Variants in PCYT2 observed in about 807,000 individuals in gnomAD.
PCYT2 encodes phosphate cytidylyltransferase 2, ethanolamine.
PCYT2 carries 33 observed loss-of-function variants against 50.0 expected under a neutral mutation model. The ratio of observed to expected loss-of-function variants is 0.66; its 90% CI spans 0.50 to 0.88. PCYT2 has a LOEUF of 0.88. Ranked by LOEUF, PCYT2 falls within the 40% of genes least tolerant of loss-of-function variation. PCYT2 has a pLI of 0.00. For synonymous variants in PCYT2, 240 were observed against 203.7 expected, an observed-to-expected ratio of 1.18 and a Z score of -1.52; for missense variants, 430 against 519.7, an observed-to-expected ratio of 0.83 and a Z score of 1.68.
intron 2 of PCYT2, 53 bp from the exon 3 acceptor site, chr17:81,909,090 AGTAGGAG>A: frequency 6.3e-7 from 1 of 1,583,492 alleles, no homozygotes; most frequent in Non-Finnish European, 8.6e-7. Context: ...CGGCCCCTCC[AGTAGGAG>A]GCCCCTTCCC....
At position 81,902,983 on chromosome 17, in the gene PCYT2, G is replaced by A. The variant is rs2040023273; in HGVS notation, c.*1850C>T. On this transcript the variant is annotated 3_prime_UTR_variant, in exon 13 of 13. Transcript: ENST00000538936. Reference sequence around the variant, plus strand: ...AAATCCCCAAGCCTGGGTATGAGAAGGCAGCCGAGTGTGCGGCGGCAGGGC... The same window carrying A: ...AAATCCCCAAGCCTGGGTATGAGAAAGCAGCCGAGTGTGCGGCGGCAGGGC... The A allele has an allele frequency of 4.0e-6, 2 of 505,420 alleles. No individual in the cohort carries two copies. The highest frequency in any genetic ancestry group is 4.0e-5 in the African/African-American group (2 of 49,446). 31.3% of individuals were successfully genotyped at this position (505,420 alleles called of 1,614,324 possible).
chr17:81,909,162 C>G (rs1012162994), intron 2 of PCYT2, 125 bp from the exon 3 acceptor site: 30 of 1,491,162 alleles, frequency 2.0e-5, no homozygotes, highest in Admixed American at 4.8e-5. Context: ...GTCTCTCTAC[C>G]CTGGCCCTTA....
rs2039995863 is a variant in PCYT2, at chr17:81,902,548, C to G, written c.*2285G>C. ...CCTCGTGAGTCCGGCGTGCCGGGGA[C>G]TGATGGGGGGCGGCGGCAGGACGTG... On this transcript the variant is annotated 3_prime_UTR_variant, in exon 13 of 13. Transcript: ENST00000538936. 6.7e-7 allele frequency: 1 copy of G among 1,487,024 alleles called. No homozygotes were observed. Among genetic ancestry groups the G allele is most frequent in the Non-Finnish European group, 8.9e-7 (1 of 1,124,596 alleles). 92.1% of individuals were successfully genotyped at this position (1,487,024 alleles called of 1,614,324 possible).
intron 2 of PCYT2, 64 bp from the exon 3 acceptor site, chr17:81,909,101 C>G (rs2040439451): frequency 6.4e-7 from 1 of 1,567,898 alleles, no homozygotes; most frequent in African/African-American, 1.5e-5. Context: ...GTAGGAGGCC[C>G]CTTCCCAGCA....
At position 81,908,958 on chromosome 17, in the gene PCYT2, C is replaced by T; in HGVS notation, c.258G>A (p.Val86=). Residue 86 remains valine, a synonymous_variant, in exon 3 of 13, where the codon GTG becomes GTA. Transcript: ENST00000538936. ...AGGGAGCCGCTGGCACCACCTCGTC[C>T]ACCCATTTGATGGCCTGCACCATCT... ...RYKMVQAIKW[V]DEVVPAAPYV... The T allele has an allele frequency of 6.2e-7, 1 of 1,614,048 alleles. No individual in the cohort carries two copies. The highest frequency in any genetic ancestry group is 8.5e-7 in the Non-Finnish European group (1 of 1,179,996).
chr17:81,906,070 T>C, intron 9 of PCYT2, 30 bp downstream of exon 9: 1 of 1,587,398 alleles, frequency 6.3e-7, no homozygotes, highest in Non-Finnish European at 8.6e-7. Context: ...TGTCTCCCCA[T>C]CCTTGGGCTG....
rs376130381 is a variant in PCYT2, at chr17:81,907,762, C to T, written c.492+11G>A. The T allele has an allele frequency of 3.8e-5, 61 of 1,612,596 alleles. 1 individual carries two copies. The highest frequency in any genetic ancestry group is 6.7e-5 in the Admixed American group (4 of 60,014). On this transcript the variant is annotated intron_variant, in intron 5 of 12. Transcript: ENST00000538936. Reference sequence around the variant, plus strand: ...GACCCAGGGGCCTCGGGGATTCCGCCGCCGACTCACCTGGCTGCTGTGATG... The same window carrying T: ...GACCCAGGGGCCTCGGGGATTCCGCTGCCGACTCACCTGGCTGCTGTGATG...
chr17:81,905,063 C>T lies in PCYT2; in HGVS notation c.1058+3G>A, dbSNP rs369979391. 2 of 1,609,680 alleles carry T rather than the reference C, an allele frequency of 1.2e-6. No homozygotes were observed. The highest frequency in any genetic ancestry group is 2.2e-5 in the South Asian group (2 of 90,918). ...GCTCCGAGGTGCCCCCACCCAACTG[C>T]ACCTGTTGGTGATGATCCGCTGGAC... is the stretch of plus-strand genomic sequence containing the variant. On this transcript the variant is annotated splice_donor_region_variant and intron_variant, in intron 12 of 12. Coordinates refer to ENST00000538936, the MANE Select transcript of PCYT2 (RefSeq NM_002861.5).
chr17:81,907,104 C>A, intron 6 of PCYT2: 1 of 1,158,776 alleles, frequency 8.6e-7, no homozygotes, highest in South Asian at 1.5e-5. Flanking sequence ...GACACCACTT[C>A]AGCCCAGCAA....
chr17:81,906,033 C>A, intron 9 of PCYT2, 67 bp downstream of exon 9: 2 of 1,416,538 alleles, frequency 1.4e-6, no homozygotes, highest in South Asian at 2.6e-5. Flanking sequence ...CTCAGGGAGG[C>A]CCTTAGTAGG....
chr17:81,902,120 C>T lies in PCYT2; in HGVS notation c.*2713G>A. 3.5e-6 allele frequency: 2 copies of T among 572,938 alleles called. No homozygotes were observed. Among genetic ancestry groups the T allele is most frequent in the Non-Finnish European group, 4.9e-6 (2 of 407,472 alleles). 35.5% of individuals were successfully genotyped at this position (572,938 alleles called of 1,614,324 possible). On this transcript the variant is annotated 3_prime_UTR_variant, in exon 13 of 13. Transcript: ENST00000538936. ...CTGGTTCCTTTGGGATGCGGAGGTGCGACGGCTCCTCCGCGCGCGCCCGCT... is the reference window on the plus strand; with the variant it reads ...CTGGTTCCTTTGGGATGCGGAGGTGTGACGGCTCCTCCGCGCGCGCCCGCT...
chr17:81,911,373 G>C lies in PCYT2; in HGVS notation c.-18C>G. The C allele has an allele frequency of 9.6e-7, 1 of 1,041,102 alleles. No homozygotes were observed. The highest frequency in any genetic ancestry group is 1.2e-6 in the Non-Finnish European group (1 of 866,978). 64.5% of individuals were successfully genotyped at this position (1,041,102 alleles called of 1,614,324 possible). On this transcript the variant is annotated 5_prime_UTR_variant, in exon 1 of 13. Transcript: ENST00000538936. ...CGGATCATGGCCCCGCAGCGGCGGCGCGGACAGCCTGGCAGCTCCCGGCGA... is the reference window on the plus strand; with the variant it reads ...CGGATCATGGCCCCGCAGCGGCGGCCCGGACAGCCTGGCAGCTCCCGGCGA...
chr17:81,909,344 G>A (rs576538071), intron 2 of PCYT2, 170 bp downstream of exon 2: 2 of 1,434,552 alleles, frequency 1.4e-6, no homozygotes, highest in African/African-American at 2.9e-5. Context: ...ATGCAAGATG[G>A]GAAAGGCATT....
At chr17:81,906,702 C>T (rs1048542643) in intron 7 of PCYT2, 58 bp downstream of exon 7, 13 of 1,598,836 alleles carry the variant, frequency 8.1e-6, no homozygotes, top group Admixed American at 1.7e-5. Context: ...TCAAGTGAGG[C>T]CCCCGGGTCC....
chr17:81,902,202 C>A lies in PCYT2; in HGVS notation c.*2631G>T. The A allele has an allele frequency of 5.0e-6, 6 of 1,191,344 alleles. No individual in the cohort carries two copies. The highest frequency in any genetic ancestry group is 6.3e-6 in the Non-Finnish European group (6 of 959,624). The allele number at this position is 1,191,344 out of a possible 1,614,324, so 73.8% of individuals were successfully genotyped here. ...CCTCCGCAGCCTCGGCCCGCCCTCG[C>A]CGCAGATATAAGGCGGCCCAGGCGG... On this transcript the variant is annotated 3_prime_UTR_variant, in exon 13 of 13. Transcript: ENST00000538936.
chr17:81,909,194 G>T (rs1025359905), intron 2 of PCYT2, 157 bp from the exon 3 acceptor site: 12 of 1,448,956 alleles, frequency 8.3e-6, no homozygotes, highest in Non-Finnish European at 1.1e-5. Flanking sequence ...CTGGCCAACT[G>T]GGTGGCTCTC....
chr17:81,903,024 C>T lies in PCYT2; in HGVS notation c.*1809G>A, dbSNP rs145634744. The T allele has an allele frequency of 2.6e-5, 12 of 455,748 alleles. No homozygotes were observed. In the Admixed American group the frequency reaches 3.7e-4, roughly 14 times the overall value. 28.2% of individuals were successfully genotyped at this position (455,748 alleles called of 1,614,324 possible). On this transcript the variant is annotated 3_prime_UTR_variant, in exon 13 of 13. Coordinates refer to ENST00000538936, the MANE Select transcript of PCYT2 (RefSeq NM_002861.5). ...GCGGCAGGGCAAGGTTGGCCTGGGC[C>T]GCCCAGAGGTCTTCAGACCCAGGGG...
At chr17:81,905,293 C>G in intron 11 of PCYT2, 89 bp downstream of exon 11, 2 of 1,367,548 alleles carry the variant, frequency 1.5e-6, no homozygotes, top group Non-Finnish European at 2.0e-6. Flanking sequence ...GCCACCATGC[C>G]CGTTTCCCAG....
intron 6 of PCYT2, 97 bp downstream of exon 6, chr17:81,907,456 GC>G: frequency 7.4e-7 from 1 of 1,348,524 alleles, no homozygotes; most frequent in Non-Finnish European, 1.0e-6. Flanking sequence ...GGAGGGTGAG[GC>G]TCTGGGCTGG....
Sources: allele counts gnomAD v4.1 joint callset, GRCh38; gene constraint gnomAD v4.1.1; transcripts MANE v1.5; gene names NCBI Gene and HGNC (gene_info 2026-07-23, HGNC 2026-07-21).